Variants in IL18RAP observed in about 807,000 individuals in gnomAD.
IL18RAP encodes interleukin-18 receptor accessory protein.
A neutral mutation model predicts 58.1 loss-of-function variants in IL18RAP; 37 were observed. The ratio of observed to expected loss-of-function variants is 0.64; its 90% CI spans 0.49 to 0.84. The LOEUF is 0.84. Among genes scored for constraint, IL18RAP ranks in the 40% least tolerant of loss-of-function variants. The pLI is 0.00. For synonymous variants in IL18RAP, 268 were observed against 257.5 expected, an observed-to-expected ratio of 1.04 and a Z score of -0.39; for missense variants, 667 against 704.8, an observed-to-expected ratio of 0.95 and a Z score of 0.61.
intron 3 of IL18RAP, among the ~76,000 whole-genome samples, chr2:102,426,421 G>A (rs1039211265): frequency 4.3e-5 from 3 of 70,332 alleles, no homozygotes; most frequent in African/African-American, 2.6e-4. Context: ...CAGGCTTGCA[G>A]ATTGTTTAAA....
chr2:102,441,523 G>T (rs1683103149), intron 5 of IL18RAP, 146 bp downstream of exon 5: 1 of 625,516 alleles, frequency 1.6e-6, no homozygotes, highest in East Asian at 2.9e-5. Flanking sequence ...TTGTGACTTT[G>T]CACAGTTACT....
At chr2:102,439,806 C>T (rs556099214) in intron 4 of IL18RAP, 27 of 152,054 alleles carry the variant, frequency 1.8e-4, no homozygotes, top group Admixed American at 6.6e-4. Flanking sequence ...CAAGTCATGA[C>T]GACAAGTAGG....
intron 5 of IL18RAP, among the ~76,000 whole-genome samples, chr2:102,442,517 T>C (rs549653387): frequency 2.6e-5 from 4 of 152,254 alleles, no homozygotes; most frequent in East Asian, 1.9e-4. Flanking sequence ...TATAGTCAAG[T>C]TACATATGTA....
At position 102,451,846 on chromosome 2, in the gene IL18RAP, C is replaced by A; in HGVS notation, c.1465C>A (p.Pro489Thr). The A allele has an allele frequency of 6.2e-7, 1 of 1,613,904 alleles. No homozygotes were observed. The highest frequency in any genetic ancestry group is 1.1e-5 in the South Asian group (1 of 91,074). ...FILSPNYVNG[P>T]SIFELQAAVN... ...CTTGAGCCCCAACTATGTCAATGGACCCAGTATCTTTGAACTACAAGCAGC... is the reference window on the plus strand; with the variant it reads ...CTTGAGCCCCAACTATGTCAATGGAACCAGTATCTTTGAACTACAAGCAGC... The change falls in exon 10 of 10, where the codon CCC becomes ACC. Residue 489 changes from proline to threonine, a missense_variant. Transcript: ENST00000687160.
At chr2:102,447,734 T>A (rs551461381) in intron 8 of IL18RAP, among the ~76,000 whole-genome samples, 1 of 137,274 alleles carries the variant, frequency 7.3e-6, no homozygotes, top group Non-Finnish European at 1.6e-5. Context: ...ATGTATTTAT[T>A]TATTTATTTA....
chr2:102,424,043 T>C lies in IL18RAP; in HGVS notation c.303T>C (p.Tyr101=), dbSNP rs772510649. The C allele has an allele frequency of 5.0e-6, 8 of 1,614,090 alleles. No homozygotes were observed. The highest frequency in any genetic ancestry group is 6.8e-6 in the Non-Finnish European group (8 of 1,180,000). The part of the protein sequence containing the change: ...GDPLEDIRKS[Y]PHIIQDKCTL... ...CATTAGAGGACATTAGGAAAAGCTA[T>C]CCTCACATCATTCAGGACAAATGTA... The change falls in exon 2 of 10, where the codon TAT becomes TAC. Residue 101 remains tyrosine, a synonymous_variant. Coordinates refer to ENST00000687160, the MANE Select transcript of IL18RAP (RefSeq NM_001393487.1).
At chr2:102,430,331 G>GT (rs1355841700) in intron 3 of IL18RAP, among the ~76,000 whole-genome samples, 7 of 151,842 alleles carry the variant, frequency 4.6e-5, no homozygotes, top group Admixed American at 6.6e-5. Flanking sequence ...TCTTTTTATA[G>GT]TTTTTTTACT....
Position 102,424,034 on chromosome 2 carries a change from GAAAAGC to G in IL18RAP, c.295_300del (p.Lys99_Ser100del). 1 of 1,614,034 alleles carries G rather than the reference GAAAAGC, an allele frequency of 6.2e-7. No homozygotes were observed. The highest frequency in any genetic ancestry group is 8.5e-7 in the Non-Finnish European group (1 of 1,179,982). Reference sequence around the variant, plus strand: ...ATGGAGATCCATTAGAGGACATTAGGAAAAGCTATCCTCACATCATTCAGGACAAAT... The same window carrying G: ...ATGGAGATCCATTAGAGGACATTAGGTATCCTCACATCATTCAGGACAAAT... On this transcript the variant is annotated inframe_deletion, in exon 2 of 10. Coordinates refer to ENST00000687160, the MANE Select transcript of IL18RAP (RefSeq NM_001393487.1).
intron 3 of IL18RAP, among the ~76,000 whole-genome samples, chr2:102,430,690 C>G (rs775253573): frequency 1.3e-5 from 2 of 151,984 alleles, no homozygotes; most frequent in Admixed American, 6.6e-5. Flanking sequence ...TGCTTTGAAT[C>G]TTTTATATTC....
intron 3 of IL18RAP, among the ~76,000 whole-genome samples, chr2:102,429,663 T>C (rs1682206681): frequency 6.6e-6 from 1 of 152,012 alleles, no homozygotes; most frequent in African/African-American, 2.4e-5. Flanking sequence ...TATCATTAGA[T>C]TGCTTATTTG....
At chr2:102,432,721 G>C (rs909401341) in intron 3 of IL18RAP, among the ~76,000 whole-genome samples, 1 of 152,214 alleles carries the variant, frequency 6.6e-6, no homozygotes, top group African/African-American at 2.4e-5. Flanking sequence ...ACCTGCCTTT[G>C]CCTCCTGGCC....
At chr2:102,449,636 C>G (rs1263709016) in intron 8 of IL18RAP, among the ~76,000 whole-genome samples, 1 of 152,008 alleles carries the variant, frequency 6.6e-6, no homozygotes, top group Non-Finnish European at 1.5e-5. Flanking sequence ...GCTAAGTAAC[C>G]AAAATTTTAG....
intron 3 of IL18RAP, among the ~76,000 whole-genome samples, chr2:102,431,818 T>C (rs1682383428): frequency 6.6e-6 from 1 of 152,082 alleles, no homozygotes; most frequent in African/African-American, 2.4e-5. Flanking sequence ...CATTTTGTTT[T>C]GAAAATTGTT....
chr2:102,423,648 G>A (rs978389263), intron 1 of IL18RAP, among the ~76,000 whole-genome samples, 163 bp from the exon 2 acceptor site: 3 of 152,074 alleles, frequency 2.0e-5, no homozygotes. Flanking sequence ...CCACTGGGAG[G>A]GAATTAGAAC....
chr2:102,449,289 G>A (rs993837837), intron 8 of IL18RAP, among the ~76,000 whole-genome samples: 1 of 152,084 alleles, frequency 6.6e-6, no homozygotes, highest in Non-Finnish European at 1.5e-5. Flanking sequence ...AGAAAGAAAT[G>A]CATCAGTCAC....
In IL18RAP at chr2:102,424,006, C is replaced by T. The variant is rs751244914; in HGVS notation, c.266C>T (p.Ser89Leu). The T allele has an allele frequency of 1.5e-5, 25 of 1,613,872 alleles. No homozygotes were observed. The highest frequency in any genetic ancestry group is 4.0e-5 in the African/African-American group (3 of 74,858). The change falls in exon 2 of 10, where the codon TCG becomes TTG. Residue 89 changes from serine to leucine, a missense_variant. Transcript: ENST00000687160. ...GATGTCCAATGGTACCAACAACCTT[C>T]GAATGGAGATCCATTAGAGGACATT... ...LSDVQWYQQPSNGDPLEDIRK... is the reference protein window; with the variant it reads ...LSDVQWYQQPLNGDPLEDIRK...
chr2:102,423,992 G>C lies in IL18RAP; in HGVS notation c.252G>C (p.Trp84Cys), dbSNP rs752605497. The change falls in exon 2 of 10, where the codon TGG (tryptophan) becomes TGC (cysteine). Residue 84 changes from tryptophan (W) to cysteine (C), a missense_variant. Transcript: ENST00000687160. ...GTAACGACCTATCTGATGTCCAATGGTACCAACAACCTTCGAATGGAGATC... is the reference window on the plus strand; with the variant it reads ...GTAACGACCTATCTGATGTCCAATGCTACCAACAACCTTCGAATGGAGATC... ...MGSNDLSDVQ[W>C]YQQPSNGDPL... 7 of 1,614,024 alleles carry C rather than the reference G, an allele frequency of 4.3e-6. No homozygotes were observed. Among genetic ancestry groups the C allele is most frequent in the Non-Finnish European group, 5.9e-6 (7 of 1,179,990 alleles).
intron 6 of IL18RAP, 112 bp downstream of exon 6, chr2:102,443,435 G>T: frequency 7.9e-7 from 1 of 1,270,946 alleles, no homozygotes; most frequent in Non-Finnish European, 1.1e-6. Flanking sequence ...CCGACTAGTG[G>T]TGAAAATAAA....
chr2:102,452,292 C>A lies in IL18RAP; in HGVS notation c.*111C>A. 1 of 1,044,892 alleles carries A rather than the reference C, an allele frequency of 9.6e-7. No individual in the cohort carries two copies. The highest frequency in any genetic ancestry group is 1.4e-6 in the Non-Finnish European group (1 of 722,092). 64.7% of individuals were successfully genotyped at this position (1,044,892 alleles called of 1,614,324 possible). A position where few individuals can be genotyped will look rare whatever the true frequency, so the allele number is the denominator to read the frequency against. On this transcript the variant is annotated 3_prime_UTR_variant, in exon 10 of 10. Coordinates refer to ENST00000687160, the MANE Select transcript of IL18RAP (RefSeq NM_001393487.1). ...GGCTGATAGGAAATTCAAAGAGTCTCCTGCCAGCACCAAGCAAGCTTGATG... is the reference window on the plus strand; with the variant it reads ...GGCTGATAGGAAATTCAAAGAGTCTACTGCCAGCACCAAGCAAGCTTGATG...
Sources: allele counts gnomAD v4.1 joint callset (sites outside exome capture counted in the v4.1 genomes callset), GRCh38; gene constraint gnomAD v4.1.1; transcripts MANE v1.5; gene names NCBI Gene and HGNC (gene_info 2026-07-23, HGNC 2026-07-21).